The following TMEM108 variants were observed in gnomAD, a reference collection of about 807,000 sequenced individuals.
TMEM108 encodes transmembrane protein 108, also known as cancer/testis antigen 124.
TMEM108 carries 12 observed loss-of-function variants against 35.1 expected under a neutral mutation model. The ratio of observed to expected loss-of-function variants is 0.34; its 90% CI spans 0.22 to 0.55. The LOEUF (loss-of-function observed/expected upper bound fraction) is 0.55. TMEM108 is among the 20% of genes least tolerant of loss of function. The pLI is 0.89. For missense variants in TMEM108, 680 were observed against 753.3 expected (o/e 0.90, Z 1.14); for synonymous variants, 287 against 308.6 (o/e 0.93, Z 0.73).
intron 2 of TMEM108, among the ~76,000 whole-genome samples, chr3:133,078,229 C>T (rs1362430435): frequency 1.3e-5 from 2 of 150,256 alleles, no homozygotes; most frequent in African/African-American, 2.5e-5. Flanking sequence ...CATATGTGCT[C>T]CTGAGTTGCT....
chr3:133,185,089 G>A (rs1244240206), intron 2 of TMEM108, among the ~76,000 whole-genome samples: 7 of 152,180 alleles, frequency 4.6e-5, no homozygotes, highest in Middle Eastern at 3.4e-3. Context: ...TCCCATGATG[G>A]TAAACAATAA....
At chr3:133,374,556 A>C (rs1164877677) in intron 3 of TMEM108, among the ~76,000 whole-genome samples, 5 of 121,746 alleles carry the variant, frequency 4.1e-5, no homozygotes, top group Non-Finnish European at 8.6e-5. Context: ...ATATATATAT[A>C]TATATATACA....
In TMEM108 at chr3:133,251,870, T is replaced by G. The variant is rs142066455; in HGVS notation, c.40+22519T>G. Among the ~76,000 whole-genome samples the G allele has an allele frequency of 3.4e-3, 513 of 152,270 alleles. 5 individuals carry two copies. Among genetic ancestry groups the G allele is most frequent in the African/African-American group, 0.012 (479 of 41,558 alleles). ...AGCTCTAAGCTTAAAAAACTCTAGGTGCAAAGAAAACTAATGAAATAAGAC... is the reference window on the plus strand; with the variant it reads ...AGCTCTAAGCTTAAAAAACTCTAGGGGCAAAGAAAACTAATGAAATAAGAC... On this transcript the variant is annotated intron_variant, in intron 3 of 5. Transcript: ENST00000321871.
At chr3:133,199,887 G>T (rs1336694273) in intron 2 of TMEM108, among the ~76,000 whole-genome samples, 4 of 152,184 alleles carry the variant, frequency 2.6e-5, no homozygotes, top group Admixed American at 2.6e-4. Context: ...GAAGCAGGCA[G>T]GCCTCCTTGA....
At chr3:133,384,357 A>G (rs554807941) in intron 4 of TMEM108, among the ~76,000 whole-genome samples, 2 of 152,216 alleles carry the variant, frequency 1.3e-5, no homozygotes, top group Non-Finnish European at 2.9e-5. Context: ...GGTGCTGGGC[A>G]GCGGTGATCC....
chr3:133,332,078 A>G (rs2071401048), intron 3 of TMEM108, among the ~76,000 whole-genome samples: 1 of 81,536 alleles, frequency 1.2e-5, no homozygotes, highest in Non-Finnish European at 2.6e-5. Flanking sequence ...GTGCGTGCGC[A>G]CGTGCACACA....
rs74445187 is a variant in TMEM108 at position 133,212,270 on chromosome 3, C to T, written c.-46-16996C>T. Among the ~76,000 whole-genome samples, 546 of 152,244 alleles carry T rather than the reference C, an allele frequency of 3.6e-3. 3 individuals carry two copies. The highest frequency in any genetic ancestry group is 5.7e-3 in the Non-Finnish European group (386 of 68,024). On this transcript the variant is annotated intron_variant, in intron 2 of 5. Coordinates refer to ENST00000321871, the MANE Select transcript of TMEM108 (RefSeq NM_023943.4). ...GTCAGCATTTTAAAATAGGGAAATT[C>T]CATCTAAATATCCGGATTTCTGACT... is the stretch of plus-strand genomic sequence containing the variant.
At chr3:133,251,253 A>G (rs559155056) in intron 3 of TMEM108, among the ~76,000 whole-genome samples, 1 of 152,336 alleles carries the variant, frequency 6.6e-6, no homozygotes, top group East Asian at 1.9e-4. Context: ...AAGTCAATTA[A>G]AACAAACAAA....
chr3:133,342,704 G>A (rs1180377188), intron 3 of TMEM108, among the ~76,000 whole-genome samples: 2 of 150,504 alleles, frequency 1.3e-5, no homozygotes, highest in Non-Finnish European at 3.0e-5. Context: ...GGGAGCTAAA[G>A]TTGTTGGTCT....
intron 1 of TMEM108, among the ~76,000 whole-genome samples, chr3:133,041,522 A>C (rs1943276390): frequency 6.6e-6 from 1 of 152,204 alleles, no homozygotes; most frequent in African/African-American, 2.4e-5. Flanking sequence ...GTCAGCCCTC[A>C]AACGAAATCT....
At chr3:133,066,515 T>G (rs929008208) in intron 2 of TMEM108, among the ~76,000 whole-genome samples, 1 of 152,160 alleles carries the variant, frequency 6.6e-6, no homozygotes, top group Non-Finnish European at 1.5e-5. Context: ...ATATTCATGC[T>G]TTTGCATGGA....
intron 3 of TMEM108, among the ~76,000 whole-genome samples, chr3:133,368,666 C>T (rs2072568735): frequency 6.6e-6 from 1 of 152,194 alleles, no homozygotes; most frequent in South Asian, 2.1e-4. Flanking sequence ...TGGCATGTCA[C>T]AGGACTGATG....
chr3:133,255,658 A>G (rs1946535366), intron 3 of TMEM108, among the ~76,000 whole-genome samples: 1 of 152,174 alleles, frequency 6.6e-6, no homozygotes, highest in African/African-American at 2.4e-5. Flanking sequence ...TGTATGAAAG[A>G]TATGCATACT....
chr3:133,050,132 G>T (rs898280224), intron 2 of TMEM108, among the ~76,000 whole-genome samples: 2 of 152,142 alleles, frequency 1.3e-5, no homozygotes, highest in African/African-American at 4.8e-5. Flanking sequence ...AGTTTCCTGA[G>T]CCCAAGATTC....
chr3:133,131,691 C>G (rs1944492702), intron 2 of TMEM108, among the ~76,000 whole-genome samples: 1 of 151,670 alleles, frequency 6.6e-6, no homozygotes, highest in Non-Finnish European at 1.5e-5. Context: ...AAAATGGCCT[C>G]TAAGTGTAGG....
At chr3:133,334,412 G>A (rs374100622) in intron 3 of TMEM108, among the ~76,000 whole-genome samples, 10 of 152,300 alleles carry the variant, frequency 6.6e-5, no homozygotes, top group East Asian at 5.8e-4. Flanking sequence ...AGGAAAATCC[G>A]TGAGGTTCGA....
chr3:133,147,074 T>C (rs1304004440), intron 2 of TMEM108, among the ~76,000 whole-genome samples: 2 of 152,206 alleles, frequency 1.3e-5, no homozygotes, highest in Non-Finnish European at 2.9e-5. Context: ...TGTAGATCTT[T>C]CCTGCTTTCT....
chr3:133,319,635 T>A (rs2071241169), intron 3 of TMEM108, among the ~76,000 whole-genome samples: 1 of 152,152 alleles, frequency 6.6e-6, no homozygotes, highest in Non-Finnish European at 1.5e-5. Flanking sequence ...TTCACTCCCC[T>A]GCCACCTCCA....
At chr3:133,340,422 A>G (rs2071626077) in intron 3 of TMEM108, among the ~76,000 whole-genome samples, 1 of 151,732 alleles carries the variant, frequency 6.6e-6, no homozygotes, top group Non-Finnish European at 1.5e-5. Flanking sequence ...ATAACAAATA[A>G]CAAGAGCAAA....
Sources: allele counts gnomAD v4.1 joint callset (sites outside exome capture counted in the v4.1 genomes callset), GRCh38; gene constraint gnomAD v4.1.1; transcripts MANE v1.5; gene names NCBI Gene and HGNC (gene_info 2026-07-23, HGNC 2026-07-21).